The following MAP4K3 variants were observed in gnomAD, a reference collection of about 807,000 sequenced individuals.
MAP4K3 encodes the protein mitogen-activated protein kinase kinase kinase kinase 3.
MAP4K3 carries 94 observed loss-of-function variants against 143.5 expected under a neutral mutation model. That is an observed-to-expected ratio of 0.65 (90% CI 0.55 to 0.78). MAP4K3 has a LOEUF of 0.78. MAP4K3 is among the 30% of genes least tolerant of loss of function. MAP4K3 has a pLI of 0.00. For missense variants in MAP4K3, 1,077 were observed against 1,068.1 expected (o/e 1.01, Z -0.12); for synonymous variants, 416 against 347.2 (o/e 1.20, Z -2.20).
chr2:39,290,372 T>TG, intron 18 of MAP4K3, 38 bp from the exon 19 acceptor site: 2 of 1,379,024 alleles, frequency 1.5e-6, no homozygotes, highest in Non-Finnish European at 2.0e-6. Flanking sequence ...ACTATTCATT[T>TG]TACAAATGAA....
chr2:39,290,084 C>CAAAAAAAAAAA (rs57058905), intron 19 of MAP4K3, among the ~76,000 whole-genome samples: 1 of 111,976 alleles, frequency 8.9e-6, no homozygotes, highest in Non-Finnish European at 1.8e-5. Context: ...GAGACTGTCT[C>CAAAAAAAAAAA]AAAAAAAAAA....
chr2:39,382,753 A>G (rs1666386242), intron 1 of MAP4K3, among the ~76,000 whole-genome samples: 1 of 152,202 alleles, frequency 6.6e-6, no homozygotes, highest in South Asian at 2.1e-4. Flanking sequence ...ATCTTAAGCT[A>G]CTGAGGTACT....
intron 2 of MAP4K3, among the ~76,000 whole-genome samples, chr2:39,367,332 A>G (rs1297385785): frequency 6.6e-6 from 1 of 152,164 alleles, no homozygotes; most frequent in African/African-American, 2.4e-5. Context: ...GCTTCAGCCC[A>G]GGAGTTTCAG....
chr2:39,253,403 T>C (rs1680225098), intron 32 of MAP4K3, among the ~76,000 whole-genome samples: 1 of 152,264 alleles, frequency 6.6e-6, no homozygotes, highest in African/African-American at 2.4e-5. Flanking sequence ...AAGTGCTGAG[T>C]GTACAGGCGT....
At position 39,288,220 on chromosome 2, in the gene MAP4K3, T is replaced by C. The variant is rs1465112284; in HGVS notation, c.1375A>G (p.Ile459Val). Residue 459 changes from isoleucine (I) to valine (V), a missense_variant, in exon 20 of 34, where the codon ATC becomes GTC. This residue lies in a region of MAP4K3 where 864 missense variants were observed against 801.2 expected (regional missense o/e 1.08). Coordinates refer to ENST00000263881, the MANE Select transcript of MAP4K3 (RefSeq NM_003618.4). ...CTCCCTGACATGGGACATCTCTTGA[T>C]TGTTCCTTGATTTTCATCCTCAGTA... Reference protein sequence around the residue: ...HSTEDENQGTIKRCPMSGSPA... With the variant: ...HSTEDENQGTVKRCPMSGSPA... 2.5e-6 allele frequency: 4 copies of C among 1,613,950 alleles called. No homozygotes were observed. Among genetic ancestry groups the C allele is most frequent in the Non-Finnish European group, 1.7e-6 (2 of 1,179,972 alleles).
At chr2:39,354,568 A>G (rs1182669607) in intron 3 of MAP4K3, among the ~76,000 whole-genome samples, 6 of 152,046 alleles carry the variant, frequency 3.9e-5, no homozygotes, top group East Asian at 1.9e-4. Context: ...CAGTGAGCCG[A>G]TATCACGCCA....
Position 39,331,993 on chromosome 2 carries a change from T to C in MAP4K3, c.458-4A>G. 1 of 1,500,998 alleles carries C rather than the reference T, an allele frequency of 6.7e-7. No individual in the cohort carries two copies. Among genetic ancestry groups the C allele is most frequent in the Non-Finnish European group, 9.0e-7 (1 of 1,108,406 alleles). 93.0% of individuals were successfully genotyped at this position (1,500,998 alleles called of 1,614,324 possible). A position where few individuals can be genotyped will look rare whatever the true frequency, so the allele number is the denominator to read the frequency against. ...TGTGCAGATACTCCAAAATCAGCTATTAAAAAAAATGAGAAACATTTAGGA... is the reference window on the plus strand; with the variant it reads ...TGTGCAGATACTCCAAAATCAGCTACTAAAAAAAATGAGAAACATTTAGGA... On this transcript the variant is annotated splice_polypyrimidine_tract_variant and splice_region_variant and intron_variant, in intron 7 of 33. Transcript: ENST00000263881.
intron 21 of MAP4K3, among the ~76,000 whole-genome samples, chr2:39,285,684 A>C (rs1681742256): frequency 6.6e-6 from 1 of 152,228 alleles, no homozygotes. Flanking sequence ...TTACTGCAGA[A>C]ACCATAGCAT....
intron 12 of MAP4K3, among the ~76,000 whole-genome samples, chr2:39,317,801 C>G (rs1335897351): frequency 6.6e-6 from 1 of 152,086 alleles, no homozygotes; most frequent in Non-Finnish European, 1.5e-5. Flanking sequence ...TTACACACTG[C>G]TGGTGGGAAT....
intron 19 of MAP4K3, 76 bp from the exon 20 acceptor site, chr2:39,288,356 A>G: frequency 7.5e-7 from 1 of 1,325,496 alleles, no homozygotes; most frequent in South Asian, 1.3e-5. Context: ...TTATACATTA[A>G]AAGCTTTCAA....
intron 3 of MAP4K3, among the ~76,000 whole-genome samples, chr2:39,343,774 C>T (rs74924867): frequency 0.033 from 5,091 of 152,216 alleles, 123 homozygotes; most frequent in South Asian, 0.052. Context: ...AGATTCTTCA[C>T]AGACAAATGG....
intron 1 of MAP4K3, among the ~76,000 whole-genome samples, chr2:39,412,363 T>C (rs1667254902): frequency 6.6e-6 from 1 of 152,132 alleles, no homozygotes; most frequent in South Asian, 2.1e-4. Context: ...CCTTCTATTG[T>C]AGTCCATCTA....
intron 14 of MAP4K3, among the ~76,000 whole-genome samples, chr2:39,308,537 A>C (rs971251213): frequency 6.6e-6 from 1 of 152,188 alleles, no homozygotes; most frequent in Non-Finnish European, 1.5e-5. Flanking sequence ...AGTACTTATT[A>C]ACAGTTATTT....
intron 15 of MAP4K3, among the ~76,000 whole-genome samples, chr2:39,306,415 C>G (rs1682708730): frequency 6.6e-6 from 1 of 152,180 alleles, no homozygotes; most frequent in African/African-American, 2.4e-5. Context: ...AACACATTCC[C>G]TCTTTATTTT....
At chr2:39,324,425 A>G (rs2148514396) in intron 12 of MAP4K3, among the ~76,000 whole-genome samples, 3 of 152,106 alleles carry the variant, frequency 2.0e-5, no homozygotes, top group Middle Eastern at 6.8e-3. Context: ...CAAAAACAAA[A>G]CAAAAAAAAC....
intron 15 of MAP4K3, among the ~76,000 whole-genome samples, chr2:39,302,410 C>A (rs1370719556): frequency 1.3e-5 from 2 of 152,176 alleles, no homozygotes; most frequent in African/African-American, 4.8e-5. Flanking sequence ...GTTTACCAAG[C>A]ACCTATTATC....
intron 2 of MAP4K3, among the ~76,000 whole-genome samples, chr2:39,373,106 A>G (rs1347008757): frequency 6.6e-6 from 1 of 152,206 alleles, no homozygotes; most frequent in Non-Finnish European, 1.5e-5. Context: ...AAAAAACCCT[A>G]ATTCAATTTA....
chr2:39,269,470 CTTTTT>C (rs59479315), intron 26 of MAP4K3, among the ~76,000 whole-genome samples: 1 of 89,672 alleles, frequency 1.1e-5, no homozygotes, highest in Non-Finnish European at 2.0e-5. Flanking sequence ...TTGCTCAGGT[CTTTTT>C]TTTTTTTTTT....
At chr2:39,404,617 CTTTTTTTTTTT>C (rs1174319224) in intron 1 of MAP4K3, among the ~76,000 whole-genome samples, 1 of 86,144 alleles carries the variant, frequency 1.2e-5, no homozygotes, top group East Asian at 2.8e-4. Flanking sequence ...TTCTTTCTTT[CTTTTTTTTTTT>C]TTTTTTTTTT....
Sources: allele counts gnomAD v4.1 joint callset (sites outside exome capture counted in the v4.1 genomes callset), GRCh38; gene constraint gnomAD v4.1.1; regional missense constraint gnomAD v4.1.1; transcripts MANE v1.5; gene names NCBI Gene and HGNC (gene_info 2026-07-23, HGNC 2026-07-21).